CSMD1: variants seen among roughly 807,000 people sequenced by gnomAD.
CSMD1 encodes CUB and sushi domain-containing protein 1.
In CSMD1, 213 loss-of-function variants were observed where a neutral mutation model predicts 417.5. The ratio of observed to expected loss-of-function variants is 0.51; its 90% CI spans 0.46 to 0.57. The LOEUF (loss-of-function observed/expected upper bound fraction) is 0.57, where lower values mean the gene tolerates loss of function less well. Among genes scored for constraint, CSMD1 ranks in the 20% least tolerant of loss-of-function variants. CSMD1 has a pLI of 0.00. For synonymous variants in CSMD1, 2,862 were observed against 1,736.8 expected, an observed-to-expected ratio of 1.65 and a Z score of -16.11; for missense variants, 6,923 against 4,529.7, an observed-to-expected ratio of 1.53 and a Z score of -15.17.
intron 1 of CSMD1, among the ~76,000 whole-genome samples, chr8:4,805,878 G>C (rs986018274): frequency 1.3e-5 from 2 of 152,112 alleles, no homozygotes; most frequent in East Asian, 1.9e-4. Flanking sequence ...AAATTATTGT[G>C]AACGTAACCA....
intron 1 of CSMD1, among the ~76,000 whole-genome samples, chr8:4,882,370 G>T (rs1236675255): frequency 1.3e-5 from 2 of 151,730 alleles, no homozygotes; most frequent in Admixed American, 6.6e-5. Flanking sequence ...GGGGAGTACC[G>T]GAGGGAAATT....
intron 3 of CSMD1, among the ~76,000 whole-genome samples, chr8:4,129,870 C>T (rs1216716799): frequency 2.6e-5 from 4 of 152,088 alleles, no homozygotes; most frequent in African/African-American, 9.7e-5. Context: ...TCATAGCATT[C>T]TGTTCTTGTT....
intron 5 of CSMD1, among the ~76,000 whole-genome samples, chr8:3,786,069 G>A (rs1419002395): frequency 1.3e-5 from 2 of 152,084 alleles, no homozygotes; most frequent in African/African-American, 4.8e-5. Context: ...GTGAGAATGA[G>A]CAGGCCTCAT....
intron 12 of CSMD1, among the ~76,000 whole-genome samples, chr8:3,425,458 C>G (rs560395910): frequency 6.6e-6 from 1 of 151,748 alleles, no homozygotes; most frequent in African/African-American, 2.4e-5. Context: ...CGTGGTGGCA[C>G]CTGCCTGTAA....
Position 3,864,703 on chromosome 8 carries a change from T to C in CSMD1, c.819-110661A>G, listed in dbSNP as rs150644408. On this transcript the variant is annotated intron_variant, in intron 5 of 69. Transcript: ENST00000635120. ...CTGATGAAGGTGCCCTACTGGGAGG[T>C]TGGAACATTATGGTAATTCCACACT... Among the ~76,000 whole-genome samples the C allele has an allele frequency of 2.3e-3, 352 of 151,960 alleles. 3 individuals are homozygous for C. The highest frequency in any genetic ancestry group is 7.9e-3 in the African/African-American group (327 of 41,410).
At chr8:3,728,549 C>G (rs866096410) in intron 6 of CSMD1, among the ~76,000 whole-genome samples, 4 of 152,124 alleles carry the variant, frequency 2.6e-5, no homozygotes, top group Admixed American at 6.6e-5. Context: ...GTAGGTTTGC[C>G]TATGTTCCAA....
chr8:3,844,772 C>T (rs537686020), intron 5 of CSMD1, among the ~76,000 whole-genome samples: 11 of 152,038 alleles, frequency 7.2e-5, no homozygotes, highest in Admixed American at 2.0e-4. Context: ...AACTTATGAG[C>T]GAAACATACT....
At chr8:4,842,544 T>G (rs1800905488) in intron 1 of CSMD1, among the ~76,000 whole-genome samples, 1 of 152,138 alleles carries the variant, frequency 6.6e-6, no homozygotes, top group African/African-American at 2.4e-5. Context: ...CAGCGAGCAC[T>G]AAGGGTCACA....
intron 5 of CSMD1, among the ~76,000 whole-genome samples, chr8:3,800,068 T>C (rs1356519093): frequency 6.6e-6 from 1 of 152,124 alleles, no homozygotes; most frequent in Non-Finnish European, 1.5e-5. Flanking sequence ...GAGAAAAACA[T>C]TTGCAGTTGA....
At chr8:2,965,060 C>G (rs1446956752) in intron 59 of CSMD1, among the ~76,000 whole-genome samples, 2 of 152,304 alleles carry the variant, frequency 1.3e-5, no homozygotes, top group East Asian at 3.9e-4. Flanking sequence ...TTCCTCTGCA[C>G]CAGCTGATAA....
chr8:3,695,156 CA>C (rs1473863231), intron 7 of CSMD1, among the ~76,000 whole-genome samples: 3 of 148,952 alleles, frequency 2.0e-5, no homozygotes, highest in African/African-American at 7.4e-5. Context: ...TGCAGGAGCA[CA>C]GGGGGACATA....
In CSMD1 at chr8:4,364,790, A is replaced by T. The variant is rs369247500; in HGVS notation, c.415+55163T>A. Among the ~76,000 whole-genome samples the T allele has an allele frequency of 2.4e-5, 2 of 82,792 alleles. 1 individual carries two copies. The highest frequency in any genetic ancestry group is 7.3e-4 in the East Asian group (2 of 2,738). The allele number at this position is 82,792 out of a possible 152,430, so 54.3% of individuals were successfully genotyped here. ...CAGTGAGCCGAGATCCCGCCACTGC[A>T]CTCCAGCCTGCGCGACAGAGCGAGA... On this transcript the variant is annotated intron_variant, in intron 3 of 69. Coordinates refer to ENST00000635120, the MANE Select transcript of CSMD1 (RefSeq NM_033225.6).
intron 3 of CSMD1, among the ~76,000 whole-genome samples, chr8:4,112,448 C>T (rs767552294): frequency 1.6e-4 from 24 of 152,194 alleles, no homozygotes; most frequent in Non-Finnish European, 2.9e-4. Flanking sequence ...TGTGTTCCCT[C>T]CCCATTCTCC....
At chr8:3,272,682 T>C (rs1204952088) in intron 26 of CSMD1, among the ~76,000 whole-genome samples, 3 of 139,634 alleles carry the variant, frequency 2.1e-5, no homozygotes, top group African/African-American at 8.2e-5. Context: ...TATTTTATTC[T>C]CTTCGAAGCA....
intron 12 of CSMD1, among the ~76,000 whole-genome samples, chr8:3,458,784 C>T (rs532413121): frequency 4.6e-5 from 7 of 152,264 alleles, no homozygotes; most frequent in Non-Finnish European, 8.8e-5. Flanking sequence ...AAGATGAAGA[C>T]ATTGTGTGCT....
At chr8:4,394,310 G>A (rs185835723) in intron 3 of CSMD1, among the ~76,000 whole-genome samples, 3 of 152,198 alleles carry the variant, frequency 2.0e-5, no homozygotes, top group Admixed American at 6.5e-5. Flanking sequence ...ACCCTCCTAT[G>A]TTTCAATAAT....
intron 3 of CSMD1, among the ~76,000 whole-genome samples, chr8:4,367,704 T>C (rs1802161153): frequency 6.6e-6 from 1 of 152,148 alleles, no homozygotes; most frequent in South Asian, 2.1e-4. Context: ...CACTGAATGG[T>C]TTTCATCTGT....
chr8:4,666,043 T>G (rs1163354210), intron 1 of CSMD1, among the ~76,000 whole-genome samples: 1 of 152,128 alleles, frequency 6.6e-6, no homozygotes, highest in East Asian at 1.9e-4. Flanking sequence ...GTTTTTGCTT[T>G]AAGCCATAGT....
intron 5 of CSMD1, among the ~76,000 whole-genome samples, chr8:3,924,008 T>C (rs1809464600): frequency 6.6e-6 from 1 of 152,242 alleles, no homozygotes; most frequent in Non-Finnish European, 1.5e-5. Context: ...TTTTGTGCTT[T>C]CTTGCTGCTA....
Sources: allele counts gnomAD v4.1 joint callset (sites outside exome capture counted in the v4.1 genomes callset), GRCh38; gene constraint gnomAD v4.1.1; transcripts MANE v1.5; gene names NCBI Gene and HGNC (gene_info 2026-07-23, HGNC 2026-07-21).